TMEM178B: variants seen among roughly 807,000 people sequenced by gnomAD.
TMEM178B encodes the protein transmembrane protein 178B.
In TMEM178B, 5 loss-of-function variants were observed where a neutral mutation model predicts 31.0. The ratio of observed to expected loss-of-function variants is 0.16; its 90% CI spans 0.08 to 0.34. TMEM178B has a LOEUF of 0.34. Among genes scored for constraint, TMEM178B ranks in the 10% least tolerant of loss-of-function variants. The pLI is 1.00. For missense variants in TMEM178B, 275 were observed against 400.3 expected (o/e 0.69, Z 2.67); for synonymous variants, 164 against 164.0 (o/e 1.00, Z 0.00).
intron 2 of TMEM178B, among the ~76,000 whole-genome samples, chr7:141,317,574 A>G (rs543408620): frequency 4.6e-5 from 7 of 152,296 alleles, no homozygotes; most frequent in Admixed American, 4.6e-4. Context: ...TAAGGCCAAG[A>G]TGACTTGTGG....
intron 1 of TMEM178B, among the ~76,000 whole-genome samples, chr7:141,131,601 C>A (rs529933941): frequency 6.6e-6 from 1 of 152,156 alleles, no homozygotes; most frequent in Non-Finnish European, 1.5e-5. Context: ...CTTCTTTTAC[C>A]TATCATAGGG....
At chr7:141,496,539 G>A in the TMEM178B span, among the ~76,000 whole-genome samples, 3 of 141,264 alleles carry the variant, frequency 2.1e-5, no homozygotes, top group South Asian at 2.1e-4. Flanking sequence ...GTGTAGTGGC[G>A]GGCGCCTGTA....
intron 1 of TMEM178B, among the ~76,000 whole-genome samples, chr7:141,181,813 C>T (rs951511079): frequency 3.3e-5 from 5 of 152,200 alleles, no homozygotes; most frequent in African/African-American, 1.2e-4. Flanking sequence ...TCCTTGGGTG[C>T]TGATCCTGTT....
intron 2 of TMEM178B, among the ~76,000 whole-genome samples, chr7:141,435,188 G>T (rs1801511837): frequency 6.6e-6 from 1 of 152,222 alleles, no homozygotes; most frequent in African/African-American, 2.4e-5. Flanking sequence ...ATACTCATAT[G>T]CAGAGGAATG....
chr7:141,385,372 C>A (rs1031963080), intron 2 of TMEM178B, among the ~76,000 whole-genome samples: 1 of 152,190 alleles, frequency 6.6e-6, no homozygotes, highest in Admixed American at 6.5e-5. Flanking sequence ...GGGGCATTCT[C>A]ACGGGTAGAA....
chr7:141,298,855 T>G (rs923677971), intron 2 of TMEM178B, among the ~76,000 whole-genome samples: 1 of 152,148 alleles, frequency 6.6e-6, no homozygotes, highest in African/African-American at 2.4e-5. Flanking sequence ...AGAAGGTCAG[T>G]TAGAGATTGA....
At chr7:141,176,591 A>G (rs374451568) in intron 1 of TMEM178B, among the ~76,000 whole-genome samples, 1 of 151,944 alleles carries the variant, frequency 6.6e-6, no homozygotes, top group Admixed American at 6.6e-5. Context: ...CTGGTCCTGG[A>G]CTTTTTTTGG....
chr7:141,207,124 A>G (rs1011158995), intron 1 of TMEM178B, among the ~76,000 whole-genome samples: 1 of 152,170 alleles, frequency 6.6e-6, no homozygotes, highest in African/African-American at 2.4e-5. Context: ...CTTCTTTTTA[A>G]AGACCGATTA....
At chr7:141,351,488 A>G (rs913210692) in intron 2 of TMEM178B, among the ~76,000 whole-genome samples, 2 of 152,232 alleles carry the variant, frequency 1.3e-5, no homozygotes, top group Non-Finnish European at 2.9e-5. Context: ...TGCAAGGACA[A>G]GGTTACTTTT....
intron 2 of TMEM178B, among the ~76,000 whole-genome samples, chr7:141,436,425 G>T (rs1015002047): frequency 6.6e-6 from 1 of 152,300 alleles, no homozygotes; most frequent in South Asian, 2.1e-4. Context: ...AGACCCTGGG[G>T]CAGAGGCAGG....
downstream of TMEM178B, among the ~76,000 whole-genome samples, chr7:141,485,044 T>G (rs1238871731): frequency 6.6e-6 from 1 of 152,196 alleles, no homozygotes; most frequent in Non-Finnish European, 1.5e-5. Flanking sequence ...CAAGGCCTAA[T>G]GAGCAGGTGT....
chr7:141,327,992 T>C (rs1441541965), intron 2 of TMEM178B, among the ~76,000 whole-genome samples: 2 of 152,148 alleles, frequency 1.3e-5, no homozygotes, highest in Non-Finnish European at 2.9e-5. Flanking sequence ...GAGTACTGGC[T>C]AGCACTGGGA....
At chr7:141,204,233 C>CAGTGACTACTGTG (rs1399381191) in intron 1 of TMEM178B, among the ~76,000 whole-genome samples, 4 of 152,152 alleles carry the variant, frequency 2.6e-5, no homozygotes, top group Admixed American at 1.3e-4. Flanking sequence ...GAGGTTGAGC[C>CAGTGACTACTGTG]AGTGACTACT....
chr7:141,310,407 A>G (rs1798888055), intron 2 of TMEM178B, among the ~76,000 whole-genome samples: 1 of 152,202 alleles, frequency 6.6e-6, no homozygotes, highest in South Asian at 2.1e-4. Context: ...GGCAATTACT[A>G]TTATTGTTAT....
At chr7:141,194,629 C>T (rs558676045) in intron 1 of TMEM178B, among the ~76,000 whole-genome samples, 6 of 152,262 alleles carry the variant, frequency 3.9e-5, no homozygotes, top group Middle Eastern at 3.4e-3. Context: ...TCTAGGTGCA[C>T]GATGCAAGCT....
chr7:141,174,311 C>T (rs1586809250), intron 1 of TMEM178B, among the ~76,000 whole-genome samples: 1 of 152,136 alleles, frequency 6.6e-6, no homozygotes, highest in Non-Finnish European at 1.5e-5. Context: ...TTTATGGCTG[C>T]ATAGTGTTCC....
chr7:141,498,311 C>G, the TMEM178B span, among the ~76,000 whole-genome samples: 21 of 152,196 alleles, frequency 1.4e-4, no homozygotes, highest in Non-Finnish European at 2.8e-4. Flanking sequence ...TTCCAGTTGC[C>G]TCCTGGTTTG....
intron 2 of TMEM178B, among the ~76,000 whole-genome samples, chr7:141,323,218 T>A (rs1397290960): frequency 6.6e-6 from 1 of 152,168 alleles, no homozygotes; most frequent in Non-Finnish European, 1.5e-5. Context: ...GAAAATCCAA[T>A]GCAGAAGGAA....
chr7:141,280,483 G>T (rs1586867633), intron 2 of TMEM178B, among the ~76,000 whole-genome samples: 1 of 152,090 alleles, frequency 6.6e-6, no homozygotes, highest in East Asian at 1.9e-4. Context: ...CTTTCCCTTG[G>T]TTCTCATTCT....
Sources: allele counts gnomAD v4.1 joint callset (sites outside exome capture counted in the v4.1 genomes callset), GRCh38; gene constraint gnomAD v4.1.1; transcripts MANE v1.5; gene names NCBI Gene and HGNC (gene_info 2026-07-23, HGNC 2026-07-21).